AP2B1: variants seen among roughly 807,000 people sequenced by gnomAD.
The protein encoded by AP2B1 is AP-2 complex subunit beta.
Under a neutral mutation model 102.0 loss-of-function variants are expected in AP2B1, and 23 were observed. That is an observed-to-expected ratio of 0.23 (90% CI 0.16 to 0.32). The LOEUF is 0.32. AP2B1 is among the 10% of genes least tolerant of loss of function. AP2B1 has a pLI of 1.00. For synonymous variants in AP2B1, 381 were observed against 421.2 expected (o/e 0.90, Z 1.17); for missense variants, 541 against 1,157.4 (o/e 0.47, Z 7.73).
intron 13 of AP2B1, 126 bp downstream of exon 13, chr17:35,650,915 C>A: frequency 8.8e-7 from 1 of 1,138,612 alleles, no homozygotes; most frequent in Non-Finnish European, 1.2e-6. Flanking sequence ...CTTTTATAGT[C>A]TGGAAAAGAA....
intron 20 of AP2B1, among the ~76,000 whole-genome samples, chr17:35,713,305 G>A (rs1368887906): frequency 6.6e-6 from 1 of 152,294 alleles, no homozygotes; most frequent in African/African-American, 2.4e-5. Flanking sequence ...ATGAAACATA[G>A]GGGAAAACAG....
intron 20 of AP2B1, among the ~76,000 whole-genome samples, chr17:35,716,050 C>A (rs1435130186): frequency 6.6e-6 from 1 of 152,172 alleles, no homozygotes; most frequent in East Asian, 1.9e-4. Flanking sequence ...TGTTGTATTG[C>A]AGATAACGTG....
intron 20 of AP2B1, among the ~76,000 whole-genome samples, chr17:35,712,108 C>G (rs1555587836): frequency 6.6e-6 from 1 of 152,102 alleles, no homozygotes; most frequent in African/African-American, 2.4e-5. Flanking sequence ...TTAATTGTTT[C>G]AATTAATTCA....
At chr17:35,710,194 C>G (rs782234674) in intron 19 of AP2B1, 40 bp from the exon 20 acceptor site, 7 of 1,409,422 alleles carry the variant, frequency 5.0e-6, no homozygotes, top group Non-Finnish European at 7.0e-6. Context: ...ATACTGACAG[C>G]TTATGCACAT....
intron 14 of AP2B1, among the ~76,000 whole-genome samples, chr17:35,664,281 T>C (rs2075415976): frequency 6.6e-6 from 1 of 152,056 alleles, no homozygotes; most frequent in Non-Finnish European, 1.5e-5. Flanking sequence ...TGAGACAAGG[T>C]CTCGCTTTGT....
chr17:35,631,267 T>C (rs533855107), intron 9 of AP2B1, among the ~76,000 whole-genome samples: 17 of 152,296 alleles, frequency 1.1e-4, no homozygotes, highest in African/African-American at 3.6e-4. Context: ...TTCTGATTTT[T>C]ATATATTAGA....
intron 12 of AP2B1, among the ~76,000 whole-genome samples, chr17:35,645,948 C>CTAGG (rs1180399329): frequency 6.6e-6 from 1 of 152,176 alleles, no homozygotes; most frequent in Admixed American, 6.5e-5. Context: ...TGTCTATGAA[C>CTAGG]TAGGGGCCAC....
chr17:35,590,591 T>C (rs1272415301), intron 1 of AP2B1, among the ~76,000 whole-genome samples: 1 of 152,232 alleles, frequency 6.6e-6, no homozygotes, highest in Non-Finnish European at 1.5e-5. Context: ...TTGTTACTAT[T>C]GTTTACAATA....
chr17:35,720,545 TTA>T (rs1213888032), intron 21 of AP2B1, among the ~76,000 whole-genome samples: 1,316 of 54,336 alleles, frequency 0.024, 63 homozygotes, highest in East Asian at 0.038. Context: ...TTTATTTTAT[TTA>T]TATATATATA....
At chr17:35,715,244 T>A (rs1326529353) in intron 20 of AP2B1, among the ~76,000 whole-genome samples, 1 of 152,248 alleles carries the variant, frequency 6.6e-6, no homozygotes, top group Non-Finnish European at 1.5e-5. Flanking sequence ...TCCATTCAAC[T>A]TGCTTATTCT....
At chr17:35,595,284 C>T (rs2073230388) in intron 2 of AP2B1, among the ~76,000 whole-genome samples, 1 of 152,114 alleles carries the variant, frequency 6.6e-6, no homozygotes, top group Non-Finnish European at 1.5e-5. Flanking sequence ...TGGCTTATGC[C>T]TGTAATCCCA....
chr17:35,687,169 T>C (rs1325668823), intron 18 of AP2B1, among the ~76,000 whole-genome samples: 1 of 152,132 alleles, frequency 6.6e-6, no homozygotes, highest in East Asian at 1.9e-4. Context: ...CCCAGGCTGA[T>C]GGTGCAGTCA....
chr17:35,665,126 C>CTTTTTTT (rs10635426), intron 14 of AP2B1, among the ~76,000 whole-genome samples: 4 of 116,286 alleles, frequency 3.4e-5, no homozygotes, highest in Admixed American at 9.7e-5. Context: ...TTTGGAATAG[C>CTTTTTTT]TTTTTTTTTT....
chr17:35,634,154 C>T (rs1302653627), intron 9 of AP2B1, among the ~76,000 whole-genome samples: 1 of 152,018 alleles, frequency 6.6e-6, no homozygotes, highest in East Asian at 1.9e-4. Context: ...CTCAGGTCTG[C>T]ACATTGCATT....
intron 19 of AP2B1, 112 bp from the exon 20 acceptor site, chr17:35,710,122 C>A: frequency 1.3e-6 from 1 of 750,118 alleles, no homozygotes; most frequent in East Asian, 2.7e-5. Flanking sequence ...CAGCCTGCTG[C>A]TAGCTGTATT....
intron 18 of AP2B1, among the ~76,000 whole-genome samples, chr17:35,687,531 C>G (rs1050437352): frequency 2.0e-5 from 3 of 151,798 alleles, no homozygotes; most frequent in South Asian, 2.1e-4. Context: ...TTACTTAAAT[C>G]AGTGTTCAAT....
At chr17:35,628,866 T>C (rs894652052) in intron 9 of AP2B1, among the ~76,000 whole-genome samples, 7 of 152,200 alleles carry the variant, frequency 4.6e-5, no homozygotes, top group Non-Finnish European at 5.9e-5. Context: ...TTATGCATAT[T>C]ACGACTGTGT....
chr17:35,682,676 T>C lies in AP2B1; in HGVS notation c.2325-19T>C. 1 of 1,602,026 alleles carries C rather than the reference T, an allele frequency of 6.2e-7. No individual in the cohort carries two copies. Among genetic ancestry groups the C allele is most frequent in the Non-Finnish European group, 8.5e-7 (1 of 1,172,308 alleles). ...TGCCTCTTGATTAACCTCTGTGATT[T>C]ATGTATCCTCTCTTCTAGCTTTGGT... is the stretch of plus-strand genomic sequence containing the variant. On this transcript the variant is annotated intron_variant, in intron 17 of 21. Transcript: ENST00000610402.
At chr17:35,598,206 C>A (rs1490492238) in intron 2 of AP2B1, 24 bp from the exon 3 acceptor site, 2 of 1,509,702 alleles carry the variant, frequency 1.3e-6, no homozygotes, top group Non-Finnish European at 9.2e-7. Flanking sequence ...TGGAACCTTA[C>A]CAGTTTGCTC....
Sources: allele counts gnomAD v4.1 joint callset (sites outside exome capture counted in the v4.1 genomes callset), GRCh38; gene constraint gnomAD v4.1.1; transcripts MANE v1.5; gene names NCBI Gene and HGNC (gene_info 2026-07-23, HGNC 2026-07-21).